Variants in FHIT observed in about 807,000 individuals in gnomAD.
FHIT encodes bis(5'-adenosyl)-triphosphatase.
Under a neutral mutation model 17.9 loss-of-function variants are expected in FHIT, and 19 were observed. The observed-to-expected ratio is 1.06, with a 90% CI of 0.74 to 1.56. The LOEUF (loss-of-function observed/expected upper bound fraction) is 1.56. Among genes scored for constraint, FHIT ranks in the 40% most tolerant of loss-of-function variants. FHIT has a pLI of 0.00. For missense variants in FHIT, 248 were observed against 189.2 expected (o/e 1.31, Z -1.82); for synonymous variants, 81 against 69.7 (o/e 1.16, Z -0.81).
At chr3:60,878,698 T>C (rs1559795823) in intron 3 of FHIT, among the ~76,000 whole-genome samples, 2 of 152,086 alleles carry the variant, frequency 1.3e-5, no homozygotes, top group African/African-American at 2.4e-5. Context: ...GTCCATGTGT[T>C]CTCATTGTTC....
chr3:60,352,541 A>G (rs1346297148), intron 5 of FHIT, among the ~76,000 whole-genome samples: 1 of 152,072 alleles, frequency 6.6e-6, no homozygotes, highest in Non-Finnish European at 1.5e-5. Flanking sequence ...TTACTCTGTC[A>G]TTCAGGCTAA....
chr3:59,870,406 G>A (rs1037317258), intron 8 of FHIT, among the ~76,000 whole-genome samples: 2 of 152,072 alleles, frequency 1.3e-5, no homozygotes, highest in African/African-American at 4.8e-5. Context: ...GCCTCCTTTT[G>A]TTTTGTTTCA....
chr3:59,865,103 T>C (rs772197472), intron 8 of FHIT, among the ~76,000 whole-genome samples: 9 of 152,238 alleles, frequency 5.9e-5, no homozygotes, highest in Non-Finnish European at 8.8e-5. Flanking sequence ...TTCATCTTAA[T>C]TGTATAATTT....
chr3:60,045,852 C>T (rs768213602), intron 5 of FHIT, among the ~76,000 whole-genome samples: 2 of 152,132 alleles, frequency 1.3e-5, no homozygotes, highest in African/African-American at 2.4e-5. Context: ...GAGGAGAGCA[C>T]GCTTGGAAAG....
chr3:59,987,410 A>T (rs1372415069), intron 7 of FHIT, among the ~76,000 whole-genome samples: 2 of 151,800 alleles, frequency 1.3e-5, no homozygotes, highest in Non-Finnish European at 2.9e-5. Context: ...TTCTCTAAAG[A>T]GTTTTCTTGA....
chr3:59,829,612 C>A (rs960568887), intron 8 of FHIT, among the ~76,000 whole-genome samples: 9 of 152,296 alleles, frequency 5.9e-5, no homozygotes, highest in African/African-American at 2.2e-4. Context: ...CCATGAATAT[C>A]CATGTGCTCT....
intron 4 of FHIT, among the ~76,000 whole-genome samples, chr3:60,711,647 A>C (rs2041535913): frequency 1.3e-5 from 2 of 152,238 alleles, no homozygotes; most frequent in Admixed American, 6.5e-5. Context: ...TCAGGAGCCA[A>C]TGTGATCAAC....
At chr3:60,682,621 A>G (rs1314818128) in intron 4 of FHIT, among the ~76,000 whole-genome samples, 2 of 152,182 alleles carry the variant, frequency 1.3e-5, no homozygotes, top group African/African-American at 4.8e-5. Flanking sequence ...CTTTCAAAAT[A>G]TTACTGCTCA....
chr3:60,393,362 TA>T (rs1380843648), intron 5 of FHIT, among the ~76,000 whole-genome samples: 4 of 150,860 alleles, frequency 2.7e-5, no homozygotes, highest in Non-Finnish European at 5.9e-5. Flanking sequence ...CTTTGTGCAC[TA>T]ATTGAAAAAA....
chr3:59,822,637 T>C (rs1489872227), intron 8 of FHIT, among the ~76,000 whole-genome samples: 1 of 151,048 alleles, frequency 6.6e-6, no homozygotes, highest in Non-Finnish European at 1.5e-5. Context: ...GCCCACTTTT[T>C]GATGGGATTG....
chr3:60,880,899 T>A, intron 3 of FHIT, among the ~76,000 whole-genome samples: 1 of 151,908 alleles, frequency 6.6e-6, no homozygotes, highest in South Asian at 2.1e-4. Flanking sequence ...CAGAAAATAG[T>A]TAACAAAACG....
chr3:60,302,770 T>C (rs1708504631), intron 5 of FHIT, among the ~76,000 whole-genome samples: 1 of 152,088 alleles, frequency 6.6e-6, no homozygotes, highest in African/African-American at 2.4e-5. Context: ...TGGTAGAAAG[T>C]GTCACTCACC....
chr3:60,258,735 CTG>C (rs1215275694), intron 5 of FHIT, among the ~76,000 whole-genome samples: 2 of 151,938 alleles, frequency 1.3e-5, no homozygotes, highest in African/African-American at 2.4e-5. Flanking sequence ...ATAGGGAAGC[CTG>C]TGTCTTTTTC....
intron 5 of FHIT, among the ~76,000 whole-genome samples, chr3:60,444,856 T>TA (rs1559919197): frequency 2.6e-5 from 4 of 151,460 alleles, no homozygotes; most frequent in Middle Eastern, 3.4e-3. Context: ...AAAAAAAATT[T>TA]TAAAAAAAAA....
At chr3:60,352,348 T>C (rs1468392215) in intron 5 of FHIT, among the ~76,000 whole-genome samples, 2 of 152,134 alleles carry the variant, frequency 1.3e-5, no homozygotes, top group Admixed American at 6.6e-5. Context: ...AAACTAAGAA[T>C]TGTACAACTC....
chr3:60,350,482 T>C (rs1449935354), intron 5 of FHIT, among the ~76,000 whole-genome samples: 3 of 152,124 alleles, frequency 2.0e-5, no homozygotes, highest in African/African-American at 7.2e-5. Context: ...GTACGTAACG[T>C]CACAATTTTT....
chr3:59,833,807 G>A (rs569604498), intron 8 of FHIT, among the ~76,000 whole-genome samples: 115 of 152,144 alleles, frequency 7.6e-4, no homozygotes, highest in Admixed American at 1.9e-3. Flanking sequence ...TGGATCAGGG[G>A]GACAGTTTCC....
At chr3:61,013,736 C>T (rs2031924587) in intron 3 of FHIT, among the ~76,000 whole-genome samples, 1 of 152,150 alleles carries the variant, frequency 6.6e-6, no homozygotes, top group Non-Finnish European at 1.5e-5. Flanking sequence ...TAAATTTTAT[C>T]ACTAATTCAC....
chr3:60,930,677 A>C (rs1553771486), intron 3 of FHIT, among the ~76,000 whole-genome samples: 2 of 152,194 alleles, frequency 1.3e-5, no homozygotes, highest in Non-Finnish European at 1.5e-5. Flanking sequence ...ACCATCTCAC[A>C]CCAGTTAGAA....
Sources: gnomAD v4.1 joint callset for allele counts (sites outside exome capture counted in the v4.1 genomes callset) on GRCh38, gnomAD v4.1.1 for gene constraint, MANE v1.5 for transcripts, NCBI Gene and HGNC (gene_info 2026-07-23, HGNC 2026-07-21) for gene names.